Variants in GALNT13 observed in about 807,000 individuals in gnomAD.
GALNT13 encodes the protein UDP-GalNAc:polypeptide N-acetylgalactosaminyltransferase 13.
GALNT13 carries 28 observed loss-of-function variants against 64.2 expected under a neutral mutation model. The ratio of observed to expected loss-of-function variants is 0.44; its 90% CI spans 0.32 to 0.60. The LOEUF (loss-of-function observed/expected upper bound fraction) is 0.60, where lower values mean the gene tolerates loss of function less well. Ranked by LOEUF, GALNT13 falls within the 20% of genes least tolerant of loss-of-function variation. The probability of loss-of-function intolerance (pLI) is 0.05; values close to 1 mark genes in which losing one functional copy is unlikely to be tolerated. For missense variants in GALNT13, 577 were observed against 669.8 expected, an observed-to-expected ratio of 0.86 and a Z score of 1.53; for synonymous variants, 214 against 224.6, an observed-to-expected ratio of 0.95 and a Z score of 0.42.
chr2:153,896,553 TA>T (rs1462922023), intron 1 of GALNT13, among the ~76,000 whole-genome samples: 1 of 152,038 alleles, frequency 6.6e-6, no homozygotes, highest in Non-Finnish European at 1.5e-5. Flanking sequence ...GATTTTGAAT[TA>T]TTTTTTAACC....
chr2:153,605,847 A>G, the GALNT13 span, among the ~76,000 whole-genome samples: 3 of 152,098 alleles, frequency 2.0e-5, no homozygotes, highest in Non-Finnish European at 4.4e-5. Context: ...TTGAAAGGAG[A>G]AGCTCAGAAG....
the GALNT13 span, among the ~76,000 whole-genome samples, chr2:153,278,457 A>G: frequency 2.0e-5 from 3 of 152,086 alleles, no homozygotes; most frequent in Non-Finnish European, 4.4e-5. Flanking sequence ...GGTGTTTCCC[A>G]GGTTTTCTTC....
chr2:153,303,532 C>T, the GALNT13 span, among the ~76,000 whole-genome samples: 3 of 152,182 alleles, frequency 2.0e-5, no homozygotes, highest in African/African-American at 4.8e-5. Flanking sequence ...AATTTAGATA[C>T]CTTTTGTTTC....
the GALNT13 span, among the ~76,000 whole-genome samples, chr2:153,690,499 C>T: frequency 1.8e-4 from 28 of 152,156 alleles, 1 homozygote; most frequent in Admixed American, 1.2e-3. Context: ...TTGCTGGGTA[C>T]GACCTTAAAA....
the GALNT13 span, among the ~76,000 whole-genome samples, chr2:153,611,902 TG>T: frequency 6.9e-6 from 1 of 145,852 alleles, no homozygotes; most frequent in South Asian, 2.4e-4. Flanking sequence ...TTCCCCTCCC[TG>T]TGTCCATGTG....
intron 1 of GALNT13, among the ~76,000 whole-genome samples, chr2:153,896,047 GGAT>G (rs2105279638): frequency 6.8e-6 from 1 of 147,138 alleles, no homozygotes; most frequent in South Asian, 2.2e-4. Context: ...AGTAAGAACA[GGAT>G]AGTTGTTTCT....
chr2:153,143,972 C>T, the GALNT13 span, among the ~76,000 whole-genome samples: 22 of 152,102 alleles, frequency 1.4e-4, no homozygotes, highest in Non-Finnish European at 2.9e-4. Flanking sequence ...CATTCATTGT[C>T]TAAGCACTGG....
the GALNT13 span, among the ~76,000 whole-genome samples, chr2:153,836,753 C>T: frequency 4.1e-4 from 61 of 149,380 alleles, no homozygotes; most frequent in Non-Finnish European, 7.4e-4. Flanking sequence ...TGAGAACATG[C>T]GGTGTTTGGT....
chr2:154,153,810 C>G (rs973056080), intron 4 of GALNT13, among the ~76,000 whole-genome samples: 2 of 152,206 alleles, frequency 1.3e-5, no homozygotes, highest in Non-Finnish European at 2.9e-5. Context: ...GCGGGAGTGA[C>G]CCGATTTTCC....
chr2:154,283,507 C>T (rs528432031), intron 8 of GALNT13, among the ~76,000 whole-genome samples: 20 of 149,904 alleles, frequency 1.3e-4, no homozygotes, highest in Non-Finnish European at 2.7e-4. Flanking sequence ...GATTTTTTTA[C>T]TATATATAAA....
chr2:153,820,919 T>C, the GALNT13 span, among the ~76,000 whole-genome samples: 1 of 152,046 alleles, frequency 6.6e-6, no homozygotes, highest in East Asian at 1.9e-4. Flanking sequence ...CACAAAGTAG[T>C]AGTCAGATAA....
chr2:153,866,443 A>C, the GALNT13 span, among the ~76,000 whole-genome samples: 2 of 152,170 alleles, frequency 1.3e-5, no homozygotes, highest in Admixed American at 1.3e-4. Context: ...TTTTGCTCTC[A>C]TATATCCTAC....
At chr2:154,101,475 A>G (rs1047187294) in intron 3 of GALNT13, among the ~76,000 whole-genome samples, 10 of 151,678 alleles carry the variant, frequency 6.6e-5, no homozygotes, top group African/African-American at 2.4e-4. Flanking sequence ...GATGTTTTGT[A>G]TTTCCGTGGT....
the GALNT13 span, among the ~76,000 whole-genome samples, chr2:153,855,525 C>G: frequency 6.6e-6 from 1 of 152,126 alleles, no homozygotes; most frequent in East Asian, 1.9e-4. Flanking sequence ...AAATGCACAT[C>G]AAAGCCACAA....
At chr2:153,926,984 C>G (rs1043656995) in intron 2 of GALNT13, among the ~76,000 whole-genome samples, 1 of 152,006 alleles carries the variant, frequency 6.6e-6, no homozygotes, top group Non-Finnish European at 1.5e-5. Context: ...AAAACAGTTG[C>G]AATCATAGTG....
the GALNT13 span, among the ~76,000 whole-genome samples, chr2:153,282,438 G>C: frequency 6.6e-6 from 1 of 152,116 alleles, no homozygotes; most frequent in Non-Finnish European, 1.5e-5. Context: ...AAGGATCACA[G>C]GGTCTCACTC....
chr2:153,507,423 G>A, the GALNT13 span, among the ~76,000 whole-genome samples: 2 of 152,018 alleles, frequency 1.3e-5, no homozygotes, highest in African/African-American at 4.8e-5. Flanking sequence ...TAGGACTACA[G>A]GCCCGTGCCA....
At chr2:154,403,911 A>T (rs1699412792) in intron 10 of GALNT13, among the ~76,000 whole-genome samples, 1 of 152,192 alleles carries the variant, frequency 6.6e-6, no homozygotes, top group Non-Finnish European at 1.5e-5. Context: ...TTGGCAAATT[A>T]GTTAACCTCT....
At chr2:154,022,859 T>G (rs540010335) in intron 3 of GALNT13, among the ~76,000 whole-genome samples, 1 of 152,216 alleles carries the variant, frequency 6.6e-6, no homozygotes, top group Non-Finnish European at 1.5e-5. Context: ...CTCTACACAC[T>G]GCTTTGAATG....
Sources: gnomAD v4.1 joint callset for allele counts (sites outside exome capture counted in the v4.1 genomes callset) on GRCh38, gnomAD v4.1.1 for gene constraint, MANE v1.5 for transcripts, NCBI Gene and HGNC (gene_info 2026-07-23, HGNC 2026-07-21) for gene names.